The following NFXL1 variants were observed in gnomAD, a reference collection of about 807,000 sequenced individuals.
NFXL1 encodes NF-X1-type zinc finger protein NFXL1.
In NFXL1, 66 loss-of-function variants were observed where a neutral mutation model predicts 123.3. That is an observed-to-expected ratio of 0.54 (90% CI 0.44 to 0.66). NFXL1 has a LOEUF of 0.66. NFXL1 is among the 30% of genes least tolerant of loss of function. The pLI, the probability that NFXL1 is intolerant of heterozygous loss-of-function variation, is 0.00. For synonymous variants in NFXL1, 346 were observed against 360.8 expected (o/e 0.96, Z 0.46); for missense variants, 944 against 1,125.6 (o/e 0.84, Z 2.31).
intron 18 of NFXL1, among the ~76,000 whole-genome samples, chr4:47,872,071 G>A (rs1735472466): frequency 1.3e-5 from 2 of 152,070 alleles, no homozygotes; most frequent in Admixed American, 6.6e-5. Flanking sequence ...TTTTTTAAAT[G>A]AAGAAAACAT....
chr4:47,862,980 A>G, intron 18 of NFXL1, 65 bp from the exon 19 acceptor site: 2 of 825,012 alleles, frequency 2.4e-6, no homozygotes, highest in Non-Finnish European at 4.0e-6. Flanking sequence ...TTTTCTAAAA[A>G]TAACTCATAA....
rs200639624 is a variant in NFXL1 at position 47,855,171 on chromosome 4, A to C, written c.2317-8T>G. 1 of 1,509,728 alleles carries C rather than the reference A, an allele frequency of 6.6e-7. No homozygotes were observed. The highest frequency in any genetic ancestry group is 2.3e-5 in the East Asian group (1 of 43,070). 93.5% of individuals were successfully genotyped at this position (1,509,728 alleles called of 1,614,324 possible). A position where few individuals can be genotyped will look rare whatever the true frequency, so the allele number is the denominator to read the frequency against. On this transcript the variant is annotated splice_polypyrimidine_tract_variant and splice_region_variant and intron_variant, in intron 19 of 22. Transcript: ENST00000507489. ...TCTATGACCACAAGGAAGCTAAAAT[A>C]AAATCAAAATAAAGCAATTACATAC...
chr4:47,908,954 CA>C (rs11457014), intron 3 of NFXL1, among the ~76,000 whole-genome samples: 3,467 of 90,390 alleles, frequency 0.038, 82 homozygotes, highest in African/African-American at 0.17. Context: ...GACTCCGTCG[CA>C]AAAAAAAAAA....
intron 15 of NFXL1, among the ~76,000 whole-genome samples, chr4:47,882,084 T>C (rs895344314): frequency 1.3e-5 from 2 of 152,194 alleles, no homozygotes; most frequent in Non-Finnish European, 1.5e-5. Context: ...CAACTGTAAA[T>C]TGTATCACTA....
intron 9 of NFXL1, among the ~76,000 whole-genome samples, chr4:47,897,364 T>C (rs1737146094): frequency 6.6e-6 from 1 of 152,140 alleles, no homozygotes; most frequent in Non-Finnish European, 1.5e-5. Context: ...AACATAAACA[T>C]ATTGTGACAA....
intron 3 of NFXL1, among the ~76,000 whole-genome samples, chr4:47,908,077 A>C (rs1387991102): frequency 2.0e-5 from 3 of 152,132 alleles, no homozygotes; most frequent in Non-Finnish European, 4.4e-5. Context: ...TCTAATCACC[A>C]AGGTTATGTG....
chr4:47,907,445 AG>A, intron 3 of NFXL1, among the ~76,000 whole-genome samples: 1 of 152,268 alleles, frequency 6.6e-6, no homozygotes, highest in East Asian at 1.9e-4. Flanking sequence ...GATACTCATC[AG>A]GAAGTTGGCC....
Position 47,848,665 on chromosome 4 carries a change from G to A in NFXL1, c.2563-329C>T, listed in dbSNP as rs190929454. Among the ~76,000 whole-genome samples the A allele has an allele frequency of 5.9e-5, 9 of 152,232 alleles. No individual in the cohort carries two copies. In the East Asian group the frequency reaches 1.2e-3, roughly 20 times the overall value. ...AGCACTTTGGGAGGCTGAGGCAGGC[G>A]GGTCACAAGGTGAGGAAATCAAGAC... On this transcript the variant is annotated intron_variant, in intron 22 of 22. Coordinates refer to ENST00000507489, the MANE Select transcript of NFXL1 (RefSeq NM_001278624.2).
At chr4:47,873,615 G>C (rs999222574) in intron 18 of NFXL1, among the ~76,000 whole-genome samples, 24 of 152,318 alleles carry the variant, frequency 1.6e-4, no homozygotes, top group Admixed American at 1.4e-3. Context: ...AAACCATGCT[G>C]TAAACAGATA....
At chr4:47,877,940 C>T (rs1005689132) in intron 17 of NFXL1, among the ~76,000 whole-genome samples, 14 of 152,014 alleles carry the variant, frequency 9.2e-5, no homozygotes, top group Non-Finnish European at 1.3e-4. Flanking sequence ...ACACTAGCTA[C>T]ATTTGTTTTT....
chr4:47,906,104 T>C (rs1253593311), intron 3 of NFXL1, among the ~76,000 whole-genome samples: 1 of 152,188 alleles, frequency 6.6e-6, no homozygotes, highest in Non-Finnish European at 1.5e-5. Context: ...TGCACTGCAG[T>C]GAGCAGTTAC....
At chr4:47,860,317 T>A (rs1344704840) in intron 19 of NFXL1, among the ~76,000 whole-genome samples, 2 of 152,198 alleles carry the variant, frequency 1.3e-5, no homozygotes. Flanking sequence ...TCCATTTTGT[T>A]CCTCTTTATA....
chr4:47,853,868 T>C (rs541346445), intron 20 of NFXL1, among the ~76,000 whole-genome samples: 2 of 152,176 alleles, frequency 1.3e-5, no homozygotes, highest in South Asian at 2.1e-4. Flanking sequence ...TGAAGAGCCA[T>C]TGAAGAATTT....
rs1734846046 is a variant in NFXL1, at chr4:47,862,891, A to G, written c.2271T>C (p.Asn757=). 6.3e-7 allele frequency: 1 copy of G among 1,580,792 alleles called. No individual in the cohort carries two copies. The highest frequency in any genetic ancestry group is 1.4e-5 in the African/African-American group (1 of 73,180). ...TGCAACAACTGAGGAGGTTCTTTTCATTTACATCAGCTGTGGTTATTTTTC... is the reference window on the plus strand; with the variant it reads ...TGCAACAACTGAGGAGGTTCTTTTCGTTTACATCAGCTGTGGTTATTTTTC... ...ECRKITTADV[N]EKNLLSCCKN... Residue 757 remains asparagine (N), a synonymous_variant, in exon 19 of 23, where the codon AAT becomes AAC. Coordinates refer to ENST00000507489, the MANE Select transcript of NFXL1 (RefSeq NM_001278624.2).
At chr4:47,874,265 A>G (rs1735610300) in intron 18 of NFXL1, among the ~76,000 whole-genome samples, 1 of 152,196 alleles carries the variant, frequency 6.6e-6, no homozygotes, top group Admixed American at 6.5e-5. Flanking sequence ...CAAGAGACCT[A>G]ACTTTTAGCC....
intron 14 of NFXL1, 64 bp downstream of exon 14, chr4:47,885,434 A>C (rs1736370193): frequency 2.7e-5 from 37 of 1,352,338 alleles, no homozygotes; most frequent in Non-Finnish European, 3.8e-5. Context: ...TGAAAAACTA[A>C]GTAAAAGCAA....
At chr4:47,892,328 G>C (rs1409601022) in intron 11 of NFXL1, among the ~76,000 whole-genome samples, 1 of 152,172 alleles carries the variant, frequency 6.6e-6, no homozygotes, top group Non-Finnish European at 1.5e-5. Context: ...AAGTTGAGTA[G>C]GCAAAATTCG....
rs769107066 is a variant in NFXL1 at position 47,910,875 on chromosome 4, T to C, written c.355A>G (p.Lys119Glu). The change falls in exon 3 of 23, where the codon AAA (lysine) becomes GAA (glutamate). Residue 119 changes from lysine to glutamate, a missense_variant. Coordinates refer to ENST00000507489, the MANE Select transcript of NFXL1 (RefSeq NM_001278624.2). ...GTATTTGCAAGTATTTTTCCCTGTT[T>C]TCCTTCAAAATCTTCATCTCCTTCT... is the stretch of plus-strand genomic sequence containing the variant. ...SEEGDEDFEG[K>E]QGKILANTFI... 5.6e-6 allele frequency: 9 copies of C among 1,603,086 alleles called. No homozygotes were observed. Among genetic ancestry groups the C allele is most frequent in the Non-Finnish European group, 7.7e-6 (9 of 1,175,110 alleles).
chr4:47,911,018 TTTC>T, intron 2 of NFXL1, 24 bp from the exon 3 acceptor site: 1 of 1,419,908 alleles, frequency 7.0e-7, no homozygotes, highest in Non-Finnish European at 9.6e-7. Context: ...AAAAGTTTCA[TTTC>T]TGCAAAACAA....
Sources: allele counts gnomAD v4.1 joint callset (sites outside exome capture counted in the v4.1 genomes callset), GRCh38; gene constraint gnomAD v4.1.1; transcripts MANE v1.5; gene names NCBI Gene and HGNC (gene_info 2026-07-23, HGNC 2026-07-21).